Variants in FARS2 observed in about 807,000 individuals in gnomAD.
FARS2 encodes phenylalanyl-tRNA synthetase 2, mitochondrial.
In FARS2, 40 loss-of-function variants were observed where a neutral mutation model predicts 46.4. The ratio of observed to expected loss-of-function variants is 0.86; its 90% CI spans 0.67 to 1.12. The LOEUF (loss-of-function observed/expected upper bound fraction) is 1.12. FARS2 is among the 50% of genes most tolerant of loss of function. FARS2 has a pLI of 0.00. For synonymous variants in FARS2, 234 were observed against 214.9 expected (o/e 1.09, Z -0.78); for missense variants, 513 against 567.9 (o/e 0.90, Z 0.98).
chr6:5,709,843 C>G (rs1020023007), intron 6 of FARS2, among the ~76,000 whole-genome samples: 4 of 152,134 alleles, frequency 2.6e-5, no homozygotes, highest in Non-Finnish European at 5.9e-5. Context: ...TATTCTCCAC[C>G]TTCCACCCTT....
chr6:5,679,682 C>T (rs1778935405), intron 6 of FARS2, among the ~76,000 whole-genome samples: 1 of 152,160 alleles, frequency 6.6e-6, no homozygotes, highest in Non-Finnish European at 1.5e-5. Context: ...AGTGATTCAT[C>T]ACCATAATCT....
At chr6:5,317,653 G>A (rs576769007) in intron 1 of FARS2, among the ~76,000 whole-genome samples, 1 of 151,952 alleles carries the variant, frequency 6.6e-6, no homozygotes, top group Non-Finnish European at 1.5e-5. Flanking sequence ...GGTGATGCGG[G>A]CCTGAAGTTG....
intron 6 of FARS2, among the ~76,000 whole-genome samples, chr6:5,679,883 C>T (rs1345575462): frequency 1.5e-5 from 2 of 130,764 alleles, no homozygotes; most frequent in Non-Finnish European, 3.2e-5. Context: ...TCCTTCATAA[C>T]AACACCCTAG....
intron 1 of FARS2, among the ~76,000 whole-genome samples, chr6:5,290,863 G>T (rs1767454456): frequency 6.6e-6 from 1 of 152,098 alleles, no homozygotes; most frequent in South Asian, 2.1e-4. Context: ...GGGATCACAG[G>T]CACACACCAC....
chr6:5,478,710 G>C (rs1766271629), intron 4 of FARS2, among the ~76,000 whole-genome samples: 1 of 152,132 alleles, frequency 6.6e-6, no homozygotes, highest in African/African-American at 2.4e-5. Flanking sequence ...GTTCGTCCAG[G>C]GTGCTTCCCT....
chr6:5,730,410 G>A (rs1760547940), intron 6 of FARS2, among the ~76,000 whole-genome samples: 1 of 152,126 alleles, frequency 6.6e-6, no homozygotes, highest in Non-Finnish European at 1.5e-5. Context: ...GAGACCAGAG[G>A]GAAGGAAGAA....
chr6:5,760,371 T>G (rs949970650), intron 6 of FARS2, among the ~76,000 whole-genome samples: 1 of 152,150 alleles, frequency 6.6e-6, no homozygotes, highest in East Asian at 1.9e-4. Context: ...TTTTCTGACC[T>G]CCAACTTGTT....
At position 5,613,278 on chromosome 6, in the gene FARS2, T is replaced by C. The variant is rs1224271386; in HGVS notation, c.1175T>C (p.Leu392Pro). 6.2e-7 allele frequency: 1 copy of C among 1,613,618 alleles called. No homozygotes were observed. Among genetic ancestry groups the C allele is most frequent in the South Asian group, 1.1e-5 (1 of 91,018 alleles). ...TTAGTCCGAACAATTGGAGGAGACC[T>C]GGTGGAAAAGGTTGATCTCATAGAC... ...YDLVRTIGGD[L>P]VEKVDLIDKF... is the part of the protein sequence containing the mutation. The change falls in exon 6 of 7, where the codon CTG becomes CCG. Residue 392 changes from leucine to proline, a missense_variant. Transcript: ENST00000274680.
chr6:5,677,211 T>G (rs1778811076), intron 6 of FARS2, among the ~76,000 whole-genome samples: 1 of 152,250 alleles, frequency 6.6e-6, no homozygotes, highest in African/African-American at 2.4e-5. Flanking sequence ...GCTTTCTTTT[T>G]ATATTGGCAT....
intron 1 of FARS2, among the ~76,000 whole-genome samples, chr6:5,303,997 C>A (rs1452942099): frequency 7.2e-5 from 11 of 152,086 alleles, no homozygotes; most frequent in African/African-American, 2.7e-4. Flanking sequence ...TGCTAATGGT[C>A]CCTCTTCCTC....
intron 6 of FARS2, among the ~76,000 whole-genome samples, chr6:5,686,213 T>C (rs977042094): frequency 5.2e-4 from 60 of 114,422 alleles, no homozygotes; most frequent in African/African-American, 2.0e-3. Context: ...TTTTTAATTA[T>C]TATTATACTT....
chr6:5,750,430 G>A (rs913044136), intron 6 of FARS2, among the ~76,000 whole-genome samples: 7 of 152,118 alleles, frequency 4.6e-5, no homozygotes, highest in Non-Finnish European at 8.8e-5. Context: ...GCAGTGGGCT[G>A]GACAATGGAG....
At chr6:5,422,741 A>C (rs941443853) in intron 3 of FARS2, among the ~76,000 whole-genome samples, 3 of 152,214 alleles carry the variant, frequency 2.0e-5, no homozygotes, top group Non-Finnish European at 2.9e-5. Flanking sequence ...GCATATAGTA[A>C]ATGAACAGTA....
rs115930236 is a variant in FARS2 at position 5,666,003 on chromosome 6, C to T, written c.1217+52683C>T. ...ACAGGCACTGGCATTGAAGAGACCC[C>T]GGGAAGGGAAGTACCTCTGGCTCCA... On this transcript the variant is annotated intron_variant, in intron 6 of 6. Transcript: ENST00000274680. Among the ~76,000 whole-genome samples, 350 of 152,158 alleles carry T rather than the reference C, an allele frequency of 2.3e-3. 1 individual carries two copies. Among genetic ancestry groups the T allele is most frequent in the African/African-American group, 7.9e-3 (328 of 41,500 alleles).
intron 1 of FARS2, among the ~76,000 whole-genome samples, chr6:5,351,066 G>C (rs1042541398): frequency 6.6e-6 from 1 of 152,160 alleles, no homozygotes; most frequent in Admixed American, 6.5e-5. Context: ...CCATATGGGT[G>C]GTAGGATATT....
chr6:5,601,669 A>C (rs1774528511), intron 5 of FARS2, among the ~76,000 whole-genome samples: 1 of 152,048 alleles, frequency 6.6e-6, no homozygotes, highest in African/African-American at 2.4e-5. Flanking sequence ...CAGCTTAGTT[A>C]AGGTCTCTAA....
chr6:5,561,914 C>T (rs1274418157), intron 5 of FARS2, among the ~76,000 whole-genome samples: 1 of 151,938 alleles, frequency 6.6e-6, no homozygotes, highest in African/African-American at 2.4e-5. Flanking sequence ...AATTTTTTAA[C>T]TTAATAATGT....
chr6:5,593,754 G>C (rs1774050497), intron 5 of FARS2, among the ~76,000 whole-genome samples: 3 of 152,226 alleles, frequency 2.0e-5, no homozygotes, highest in Admixed American at 1.3e-4. Context: ...TTCAGGCTCA[G>C]GCGAATTTTT....
chr6:5,730,941 C>T (rs1200193519), intron 6 of FARS2, among the ~76,000 whole-genome samples: 1 of 152,196 alleles, frequency 6.6e-6, no homozygotes, highest in African/African-American at 2.4e-5. Context: ...TGCCCAATGT[C>T]ACACAGCTAC....
Sources: gnomAD v4.1 joint callset for allele counts (sites outside exome capture counted in the v4.1 genomes callset) on GRCh38, gnomAD v4.1.1 for gene constraint, MANE v1.5 for transcripts, NCBI Gene and HGNC (gene_info 2026-07-23, HGNC 2026-07-21) for gene names.